The following CPNE7 variants were observed in gnomAD, a reference collection of about 807,000 sequenced individuals.
The protein encoded by CPNE7 is copine 7.
In CPNE7, 78 loss-of-function variants were observed where a neutral mutation model predicts 66.5. The observed-to-expected ratio is 1.17, with a 90% CI of 0.98 to 1.42. The LOEUF (loss-of-function observed/expected upper bound fraction) is 1.42, where lower values mean the gene tolerates loss of function less well. Among genes scored for constraint, CPNE7 ranks in the 40% most tolerant of loss-of-function variants. The probability of loss-of-function intolerance (pLI) is 0.00; values close to 1 mark genes in which losing one functional copy is unlikely to be tolerated. For synonymous variants in CPNE7, 468 were observed against 336.7 expected (o/e 1.39, Z -4.27); for missense variants, 1,012 against 776.6 (o/e 1.30, Z -3.60).
chr16:89,579,645 C>T (rs1249050977), intron 2 of CPNE7, among the ~76,000 whole-genome samples: 1 of 151,036 alleles, frequency 6.6e-6, no homozygotes, highest in Non-Finnish European at 1.5e-5. Flanking sequence ...CACATCTCAC[C>T]CGTCACATGG....
chr16:89,583,828 G>T (rs1178644348), intron 3 of CPNE7, 57 bp downstream of exon 3: 1 of 1,593,340 alleles, frequency 6.3e-7, no homozygotes, highest in African/African-American at 1.3e-5. Context: ...GCTCCGAGGG[G>T]TGTTGTGGGC....
chr16:89,582,536 C>G (rs2058971339), intron 2 of CPNE7, among the ~76,000 whole-genome samples: 1 of 152,194 alleles, frequency 6.6e-6, no homozygotes, highest in Non-Finnish European at 1.5e-5. Flanking sequence ...AGAAGGAAAC[C>G]TTTGAATCAG....
chr16:89,585,102 C>G (rs900531797), intron 5 of CPNE7, among the ~76,000 whole-genome samples: 3 of 152,244 alleles, frequency 2.0e-5, no homozygotes, highest in African/African-American at 7.2e-5. Flanking sequence ...GACCTACCTT[C>G]CACTTCCTGC....
chr16:89,579,275 G>A (rs1018544645), intron 2 of CPNE7, among the ~76,000 whole-genome samples: 3 of 151,430 alleles, frequency 2.0e-5, no homozygotes, highest in Non-Finnish European at 4.4e-5. Flanking sequence ...CCAGGTGACA[G>A]TGAGTCTTTG....
At chr16:89,580,493 G>A (rs1284441673) in intron 2 of CPNE7, among the ~76,000 whole-genome samples, 2 of 121,870 alleles carry the variant, frequency 1.6e-5, no homozygotes, top group Non-Finnish European at 1.7e-5. Flanking sequence ...CCCGTCACCC[G>A]CTGACACAGA....
At chr16:89,590,054 C>T (rs1435742248) in intron 11 of CPNE7, 103 bp downstream of exon 11, 33 of 1,326,552 alleles carry the variant, frequency 2.5e-5, no homozygotes, top group East Asian at 4.9e-5. Flanking sequence ...TGCTGGGAAC[C>T]GGAGACTGTA....
intron 2 of CPNE7, 101 bp from the exon 3 acceptor site, chr16:89,583,596 G>A: frequency 6.2e-7 from 1 of 1,605,872 alleles, no homozygotes; most frequent in Non-Finnish European, 8.5e-7. Context: ...GGGATGGGGA[G>A]ACAGGACAGG....
rs775957418 is a variant in CPNE7 at position 89,584,902 on chromosome 16, C to T, written c.591+45C>T. On this transcript the variant is annotated intron_variant, in intron 5 of 14. Coordinates refer to ENST00000319518, the MANE Select transcript of CPNE7 (RefSeq NM_153636.3). The surrounding 1 kb of genome is among the most constrained non-coding windows in gnomAD (Gnocchi z 6.0). ...AACACAGGGAGGGGAAGGGGCTGTC[C>T]CCAGCCCTCACGCATCTCTGGCCAC... The T allele has an allele frequency of 6.5e-7, 1 of 1,535,030 alleles. No homozygotes were observed. The highest frequency in any genetic ancestry group is 1.7e-5 in the Admixed American group (1 of 59,506).
At chr16:89,583,418 A>C (rs2058985265) in intron 2 of CPNE7, 1 of 1,545,602 alleles carries the variant, frequency 6.5e-7, no homozygotes, top group Admixed American at 2.0e-5. Flanking sequence ...CTTCCACCTG[A>C]GCCTGTTTCC....
rs957434752 is a variant in CPNE7, at chr16:89,584,883, G to A, written c.591+26G>A. 2 of 1,592,408 alleles carry A rather than the reference G, an allele frequency of 1.3e-6. No individual in the cohort carries two copies. Among genetic ancestry groups the A allele is most frequent in the Non-Finnish European group, 8.6e-7 (1 of 1,162,082 alleles). On this transcript the variant is annotated intron_variant, in intron 5 of 14. Coordinates refer to ENST00000319518, the MANE Select transcript of CPNE7 (RefSeq NM_153636.3). This position sits in a 1 kb window ranked among gnomAD's most constrained non-coding sequence, Gnocchi z 6.0. ...GTGAGCGGCCGGGGATGGGAACACA[G>A]GGAGGGGAAGGGGCTGTCCCCAGCC...
Position 89,596,730 on chromosome 16 carries a change from G to C in CPNE7, c.*109G>C. The C allele has an allele frequency of 1.6e-6, 2 of 1,274,226 alleles. No homozygotes were observed. Among genetic ancestry groups the C allele is most frequent in the Non-Finnish European group, 2.0e-6 (2 of 979,126 alleles). The allele number at this position is 1,274,226 out of a possible 1,614,324, so 78.9% of individuals were successfully genotyped here. On this transcript the variant is annotated 3_prime_UTR_variant, in exon 15 of 15. Transcript: ENST00000319518. ...CCCTCCGACCTCCCAGAAGCCTCCA[G>C]TCCCCACCAGGCCCCACTCCCAGTC...
Position 89,584,211 on chromosome 16 carries a change from C to T in CPNE7, c.507+109C>T, listed in dbSNP as rs1051730640. On this transcript the variant is annotated intron_variant, in intron 4 of 14. Transcript: ENST00000319518. The surrounding 1 kb of genome is among the most constrained non-coding windows in gnomAD (Gnocchi z 6.0). Reference sequence around the variant, plus strand: ...TCGCGTGGCTATGTCCCGTGTGAGACGTGTGCGGAGTGTGCCTGGGGCTGG... The same window carrying T: ...TCGCGTGGCTATGTCCCGTGTGAGATGTGTGCGGAGTGTGCCTGGGGCTGG... The T allele has an allele frequency of 1.4e-5, 16 of 1,135,806 alleles. No individual in the cohort carries two copies. Among genetic ancestry groups the T allele is most frequent in the Admixed American group, 9.6e-5 (4 of 41,732 alleles). The allele number at this position is 1,135,806 out of a possible 1,614,324, so 70.4% of individuals were successfully genotyped here.
chr16:89,586,008 C>T (rs2059032448), intron 7 of CPNE7, among the ~76,000 whole-genome samples: 1 of 103,198 alleles, frequency 9.7e-6, no homozygotes, highest in Non-Finnish European at 1.9e-5. Context: ...TGAGGGGGGC[C>T]TCCAGGGAGG....
chr16:89,590,000 C>T, intron 11 of CPNE7, 49 bp downstream of exon 11: 2 of 1,603,694 alleles, frequency 1.2e-6, no homozygotes, highest in Non-Finnish European at 1.7e-6. Flanking sequence ...CTTCTCGTGC[C>T]CTCCCAGGCA....
chr16:89,587,147 C>T, intron 9 of CPNE7, 45 bp downstream of exon 9: 3 of 552,218 alleles, frequency 5.4e-6, no homozygotes, highest in Non-Finnish European at 7.4e-6. Flanking sequence ...AGTCCGTGGC[C>T]CCGCCCCGCC....
intron 5 of CPNE7, among the ~76,000 whole-genome samples, chr16:89,585,201 G>T (rs2059015767): frequency 6.6e-6 from 1 of 152,252 alleles, no homozygotes; most frequent in South Asian, 2.1e-4. Flanking sequence ...ATTTAAGGAA[G>T]AGAGCAGCGC....
In CPNE7 at chr16:89,575,939, G is replaced by A; in HGVS notation, c.42G>A (p.Gly14=). The A allele has an allele frequency of 7.5e-7, 1 of 1,325,224 alleles. No homozygotes were observed. The allele number at this position is 1,325,224 out of a possible 1,614,324, so 82.1% of individuals were successfully genotyped here. ...AGCGCGGGGCGGCGGCAACCCCCGG[G>A]GGTTTGCCCGCGCCCTGCGCCTCGA... ...GSERGAAATP[G]GLPAPCASKV... is the part of the protein sequence containing the mutation. The change falls in exon 1 of 15, where the codon GGG becomes GGA. Residue 14 remains glycine (G), a synonymous_variant. Transcript: ENST00000319518.
rs547662887 is a variant in CPNE7, at chr16:89,577,654, A to G, written c.290A>G (p.His97Arg). Residue 97 changes from histidine to arginine, a missense_variant, in exon 2 of 15, where the codon CAT (histidine) becomes CGT (arginine). By Grantham distance (29) the His-to-Arg change is conservative. Transcript: ENST00000319518. ...CTGCGCTTTGAGGTGTACGACACGC[A>G]TGGGCCCAGCGGCTTCAGCTGTCAG... ...QRLRFEVYDT[H>R]GPSGFSCQED... 5.0e-6 allele frequency: 8 copies of G among 1,595,592 alleles called. 1 individual carries two copies. Among genetic ancestry groups the G allele is most frequent in the East Asian group, 4.5e-5 (2 of 44,080 alleles).
intron 13 of CPNE7, among the ~76,000 whole-genome samples, chr16:89,594,713 G>GC: frequency 7.4e-6 from 1 of 135,970 alleles, no homozygotes; most frequent in Middle Eastern, 3.8e-3. Flanking sequence ...GTGCAATGGC[G>GC]CGATCTCAGC....
Sources: allele counts gnomAD v4.1 joint callset (sites outside exome capture counted in the v4.1 genomes callset), GRCh38; gene constraint gnomAD v4.1.1; non-coding constraint Gnocchi (gnomAD v3.1); transcripts MANE v1.5; gene names NCBI Gene and HGNC (gene_info 2026-07-23, HGNC 2026-07-21).